Variants in CPA5 observed in about 807,000 individuals in gnomAD.
CPA5 encodes the protein testicular tissue protein Li 32.
Under a neutral mutation model 52.2 loss-of-function variants are expected in CPA5, and 38 were observed. That is an observed-to-expected ratio of 0.73 (90% CI 0.56 to 0.95). CPA5 has a LOEUF of 0.95. Ranked by LOEUF, CPA5 falls within the 40% of genes least tolerant of loss-of-function variation. The pLI, the probability that CPA5 is intolerant of heterozygous loss-of-function variation, is 0.00. For synonymous variants in CPA5, 198 were observed against 213.7 expected (o/e 0.93, Z 0.64); for missense variants, 519 against 566.7 (o/e 0.92, Z 0.86).
intron 3 of CPA5, among the ~76,000 whole-genome samples, chr7:130,346,908 G>A (rs1481350587): frequency 6.6e-6 from 1 of 152,134 alleles, no homozygotes; most frequent in Non-Finnish European, 1.5e-5. Context: ...CGGGGAGGAT[G>A]CATTCATAGC....
Position 130,361,193 on chromosome 7 carries a change from A to G in CPA5, c.483A>G (p.Ser161=). 1 of 1,614,096 alleles carries G rather than the reference A, an allele frequency of 6.2e-7. No individual in the cohort carries two copies. Among genetic ancestry groups the G allele is most frequent in the Non-Finnish European group, 8.5e-7 (1 of 1,179,940 alleles). ...TAATGGAGCATTCCGATATTGTCTC[A>G]AAAATTCAGATTGGCAACAGCTTTG... is the stretch of plus-strand genomic sequence containing the variant. ...NFVMEHSDIV[S]KIQIGNSFEN... The change falls in exon 7 of 13, where the codon TCA becomes TCG. Residue 161 remains serine (S), a synonymous_variant. Transcript: ENST00000474905.
chr7:130,369,676 C>T (rs143133285), downstream of CPA5, among the ~76,000 whole-genome samples: 985 of 151,700 alleles, frequency 6.5e-3, 29 homozygotes, highest in Admixed American at 0.05. Context: ...TGTGCATGTG[C>T]GTGTGTGTGT....
At chr7:130,367,799 C>A in intron 11 of CPA5, 107 bp from the exon 12 acceptor site, 3 of 1,036,184 alleles carry the variant, frequency 2.9e-6, no homozygotes, top group East Asian at 2.4e-5. Flanking sequence ...CCACCTTCAA[C>A]TTCCAGGACT....
At chr7:130,352,286 G>A (rs1187388976) in intron 5 of CPA5, among the ~76,000 whole-genome samples, 2 of 152,100 alleles carry the variant, frequency 1.3e-5, no homozygotes, top group African/African-American at 2.4e-5. Context: ...GCTGTGCATC[G>A]GGCAAGGGGC....
intron 2 of CPA5, 39 bp from the exon 3 acceptor site, chr7:130,346,354 C>T: frequency 1.6e-6 from 1 of 607,830 alleles, no homozygotes; most frequent in Non-Finnish European, 2.8e-6. Context: ...GTGGGAGCCA[C>T]ATGCTGGGTG....
At chr7:130,367,294 A>C in intron 10 of CPA5, 78 bp from the exon 11 acceptor site, 2 of 1,259,670 alleles carry the variant, frequency 1.6e-6, no homozygotes, top group Non-Finnish European at 2.3e-6. Context: ...ATGTAGGGGA[A>C]CACACAGGTA....
intron 5 of CPA5, among the ~76,000 whole-genome samples, chr7:130,359,203 C>T (rs562092776): frequency 6.6e-6 from 1 of 152,166 alleles, no homozygotes; most frequent in South Asian, 2.1e-4. Context: ...CACCTTTTTT[C>T]CCCCAAAAAC....
chr7:130,347,902 A>G (rs1794870747), intron 4 of CPA5, 55 bp downstream of exon 4: 1 of 1,404,254 alleles, frequency 7.1e-7, no homozygotes, highest in Non-Finnish European at 1.0e-6. Flanking sequence ...TGGCTCACAC[A>G]TTTAGCTCCT....
At chr7:130,346,631 G>A (rs1794760752) in intron 3 of CPA5, 30 bp downstream of exon 3, 1 of 1,576,518 alleles carries the variant, frequency 6.3e-7, no homozygotes, top group Non-Finnish European at 8.7e-7. Context: ...TGGGAGGGAG[G>A]ACTGGCTGGG....
In CPA5 at chr7:130,367,501, A is replaced by G. The variant is rs1234134041; in HGVS notation, c.968A>G (p.His323Arg). ...HGNFKALISIHSYSQMLMYPY... is the reference protein window; with the variant it reads ...HGNFKALISIRSYSQMLMYPY... Reference sequence around the variant, plus strand: ...AACTTCAAGGCTCTGATCTCCATCCACAGCTACTCTCAGATGCTTATGTAC... The same window carrying G: ...AACTTCAAGGCTCTGATCTCCATCCGCAGCTACTCTCAGATGCTTATGTAC... The change falls in exon 11 of 13, where the codon CAC becomes CGC. Residue 323 changes from histidine to arginine, a missense_variant. By Grantham distance (29) the His-to-Arg change is conservative (BLOSUM62 0). Transcript: ENST00000474905. The G allele has an allele frequency of 1.2e-6, 2 of 1,613,922 alleles. No individual in the cohort carries two copies. The highest frequency in any genetic ancestry group is 1.7e-6 in the Non-Finnish European group (2 of 1,180,012).
At chr7:130,371,960 A>G (rs1427114912), downstream of CPA5, among the ~76,000 whole-genome samples, 2 of 151,894 alleles carry the variant, frequency 1.3e-5, no homozygotes, top group African/African-American at 4.8e-5. Flanking sequence ...ATCAGCTCCA[A>G]CCTCACTGGC....
chr7:130,346,902 G>A (rs1794785543), intron 3 of CPA5, among the ~76,000 whole-genome samples: 1 of 152,154 alleles, frequency 6.6e-6, no homozygotes, highest in African/African-American at 2.4e-5. Flanking sequence ...CTTCTTCGGG[G>A]AGGATGCATT....
intron 6 of CPA5, 44 bp from the exon 7 acceptor site, chr7:130,361,099 T>C (rs1554406482): frequency 7.8e-7 from 1 of 1,279,266 alleles, no homozygotes; most frequent in East Asian, 2.3e-5. Flanking sequence ...TGTTCATCCC[T>C]CTTCCTGCTT....
chr7:130,370,687 G>C (rs1243387959), downstream of CPA5, among the ~76,000 whole-genome samples: 1 of 152,180 alleles, frequency 6.6e-6, no homozygotes, highest in African/African-American at 2.4e-5. Context: ...CAAAACCACT[G>C]TCACCATTTG....
chr7:130,356,254 C>T (rs546813626), intron 5 of CPA5, among the ~76,000 whole-genome samples: 203 of 152,308 alleles, frequency 1.3e-3, no homozygotes, highest in African/African-American at 4.7e-3. Flanking sequence ...CTGCCCAACC[C>T]GGGAGGACTG....
At chr7:130,368,306 G>A (rs797028539) in intron 12 of CPA5, 104 bp from the exon 13 acceptor site, 2 of 1,154,802 alleles carry the variant, frequency 1.7e-6, no homozygotes, top group Admixed American at 2.1e-5. Flanking sequence ...GGTGGGTGGG[G>A]GTTTGGCTCC....
intron 3 of CPA5, among the ~76,000 whole-genome samples, chr7:130,347,159 C>T (rs1389663978): frequency 7.9e-5 from 12 of 152,194 alleles, no homozygotes; most frequent in Admixed American, 7.2e-4. Context: ...GTCTCAGAGC[C>T]AGCCTGTGAG....
intron 5 of CPA5, among the ~76,000 whole-genome samples, chr7:130,350,865 T>C (rs2117317795): frequency 6.6e-6 from 1 of 152,298 alleles, no homozygotes; most frequent in South Asian, 2.1e-4. Context: ...TTCCTAGAGA[T>C]CTTTGTGGGT....
At chr7:130,363,383 C>G (rs1276347363) in intron 9 of CPA5, 36 bp from the exon 10 acceptor site, 1 of 1,526,632 alleles carries the variant, frequency 6.6e-7, no homozygotes, top group South Asian at 1.2e-5. Flanking sequence ...GGGAATGGGC[C>G]CAGTGAATGA....
Sources: allele counts gnomAD v4.1 joint callset (sites outside exome capture counted in the v4.1 genomes callset), GRCh38; gene constraint gnomAD v4.1.1; transcripts MANE v1.5; gene names NCBI Gene and HGNC (gene_info 2026-07-23, HGNC 2026-07-21).